Variants in NPAT observed in about 807,000 individuals in gnomAD.
NPAT encodes the protein nuclear protein, coactivator of histone transcription, also known as protein NPAT.
A neutral mutation model predicts 130.7 loss-of-function variants in NPAT; 52 were observed. That is an observed-to-expected ratio of 0.40 (90% confidence interval 0.32 to 0.50). NPAT has a LOEUF of 0.50. NPAT is among the 20% of genes least tolerant of loss of function. The pLI, the probability that NPAT is intolerant of heterozygous loss-of-function variation, is 0.68. For missense variants in NPAT, 1,687 were observed against 1,662.6 expected (o/e 1.01, Z -0.26); for synonymous variants, 580 against 584.8 (o/e 0.99, Z 0.12).
Position 108,189,263 on chromosome 11 carries a change from G to A in NPAT, c.399C>T (p.Ala133=). The A allele has an allele frequency of 1.2e-6, 2 of 1,614,170 alleles. No homozygotes were observed. Among genetic ancestry groups the A allele is most frequent in the Non-Finnish European group, 1.7e-6 (2 of 1,180,022 alleles). Residue 133 remains alanine, a synonymous_variant, in exon 6 of 18, where the codon GCC becomes GCT. Transcript: ENST00000278612. The part of the protein sequence containing the change: ...QRKLASQTAP[A]SAELLTLPYL... The stretch of plus-strand genomic sequence containing the variant: ...AAGGTAAAGTGAGCAACTCTGCACT[G>A]GCTGGAGCTGTTTGAGATGCAAGCT...
intron 1 of NPAT, among the ~76,000 whole-genome samples, chr11:108,213,990 T>A (rs2078408888): frequency 6.6e-6 from 1 of 152,132 alleles, no homozygotes. Context: ...TGGGCTGAAG[T>A]GATCCTCCCA....
chr11:108,198,864 CCA>C (rs1287046335), intron 1 of NPAT, among the ~76,000 whole-genome samples: 5 of 152,200 alleles, frequency 3.3e-5, no homozygotes, highest in Admixed American at 3.3e-4. Context: ...TGCTCACTCC[CCA>C]GTGTCCACAT....
chr11:108,194,652 TTTA>T (rs1354073227), intron 2 of NPAT, among the ~76,000 whole-genome samples: 1 of 152,162 alleles, frequency 6.6e-6, no homozygotes, highest in Non-Finnish European at 1.5e-5. Context: ...GTTTTTAAAA[TTTA>T]TTTTTATTTT....
At chr11:108,195,233 A>G (rs374629304) in intron 2 of NPAT, among the ~76,000 whole-genome samples, 16 of 152,364 alleles carry the variant, frequency 1.1e-4, no homozygotes, top group African/African-American at 3.6e-4. Flanking sequence ...TGAGGAGTAC[A>G]TGCATAATCA....
At chr11:108,198,325 A>G (rs1171112722) in intron 1 of NPAT, among the ~76,000 whole-genome samples, 1 of 152,256 alleles carries the variant, frequency 6.6e-6, no homozygotes, top group Non-Finnish European at 1.5e-5. Context: ...TACAGAGTCA[A>G]AAAACCAAAA....
In NPAT at chr11:108,172,621, T is replaced by A; in HGVS notation, c.2363A>T (p.Lys788Ile). 6.2e-7 allele frequency: 1 copy of A among 1,614,172 alleles called. No individual in the cohort carries two copies. ...KSPTKNAELV[K>I]CLSSEETVGA... ...TACAGTTTCTTCTGAAGATAGGCAT[T>A]TAACTAGTTCTGCATTTTTAGTAGG... Residue 788 changes from lysine to isoleucine, a missense_variant, in exon 13 of 18, where the codon AAA becomes ATA. This residue lies in a region of NPAT where 1,379 missense variants were observed against 1,346.6 expected (regional missense o/e 1.02). Transcript: ENST00000278612.
rs547631748 is a variant in NPAT, at chr11:108,213,843, T to C, written c.37+8657A>G. Among the ~76,000 whole-genome samples the C allele has an allele frequency of 2.6e-5, 4 of 152,308 alleles. No homozygotes were observed. The East Asian group carries it at 7.7e-4, about 29-fold the overall frequency. ...CAAAATAAAAAATCCAGACCTTTCT[T>C]ATTTATCTAGTCAACTCTGAAGCAT... On this transcript the variant is annotated intron_variant, in intron 1 of 17. Transcript: ENST00000278612.
intron 1 of NPAT, among the ~76,000 whole-genome samples, chr11:108,203,215 T>C (rs2078291110): frequency 6.6e-6 from 1 of 152,200 alleles, no homozygotes; most frequent in Non-Finnish European, 1.5e-5. Context: ...AATGATTTCT[T>C]GCTAGACCAA....
intron 1 of NPAT, among the ~76,000 whole-genome samples, chr11:108,202,754 A>G (rs985401347): frequency 1.3e-5 from 2 of 152,184 alleles, no homozygotes; most frequent in Admixed American, 6.5e-5. Context: ...GAAGACTGGC[A>G]GATAGATTTC....
chr11:108,169,932 C>T lies in NPAT; in HGVS notation c.2897G>A (p.Arg966Gln), dbSNP rs201165741. 6.9e-5 allele frequency: 112 copies of T among 1,612,672 alleles called. No individual in the cohort carries two copies. The highest frequency in any genetic ancestry group is 4.7e-4 in the African/African-American group (35 of 74,940). Residue 966 changes from arginine to glutamine, a missense_variant, in exon 14 of 18, where the codon CGG (arginine) becomes CAG (glutamine). Transcript: ENST00000278612. ...QNGNNFSTPPRQVLHMPLTAP... is the reference protein window; with the variant it reads ...QNGNNFSTPPQQVLHMPLTAP... ...TTTTCAGTTCATAAATCTTACCTGC[C>T]GAGGAGGAGTAGAAAAGTTATTTCC...
intron 1 of NPAT, among the ~76,000 whole-genome samples, chr11:108,204,155 G>GC (rs1358574988): frequency 6.6e-6 from 1 of 152,182 alleles, no homozygotes; most frequent in Non-Finnish European, 1.5e-5. Flanking sequence ...ATTGATAGCA[G>GC]CAAGAGACAA....
chr11:108,193,760 AAAAAC>A (rs910455340), intron 3 of NPAT, among the ~76,000 whole-genome samples, 192 bp downstream of exon 3: 9 of 152,012 alleles, frequency 5.9e-5, no homozygotes, highest in Non-Finnish European at 1.0e-4. Flanking sequence ...CAACAACCAA[AAAAAC>A]AAAACAAAAC....
At chr11:108,209,218 T>C (rs1244386077) in intron 1 of NPAT, among the ~76,000 whole-genome samples, 1 of 152,146 alleles carries the variant, frequency 6.6e-6, no homozygotes, top group Non-Finnish European at 1.5e-5. Flanking sequence ...AGGCGGAGGC[T>C]GCAGTGAGCC....
At chr11:108,182,917 T>C (rs1179273181) in intron 10 of NPAT, among the ~76,000 whole-genome samples, 2 of 152,228 alleles carry the variant, frequency 1.3e-5, no homozygotes, top group Non-Finnish European at 2.9e-5. Flanking sequence ...AAGCACCTGA[T>C]GTATTTATAA....
intron 4 of NPAT, among the ~76,000 whole-genome samples, chr11:108,191,505 A>C (rs2078168957): frequency 6.6e-6 from 1 of 152,234 alleles, no homozygotes; most frequent in Admixed American, 6.5e-5. Context: ...ACTACCAAGT[A>C]AGATGTGGTC....
At chr11:108,179,460 G>A (rs2078038455) in intron 10 of NPAT, among the ~76,000 whole-genome samples, 2 of 152,180 alleles carry the variant, frequency 1.3e-5, no homozygotes, top group African/African-American at 2.4e-5. Flanking sequence ...GGCTAGTCTC[G>A]AACCCCTGAC....
intron 5 of NPAT, 78 bp downstream of exon 5, chr11:108,190,382 T>G (rs2078157577): frequency 9.4e-7 from 1 of 1,066,702 alleles, no homozygotes. Flanking sequence ...TTAGCACATG[T>G]GTACAATGAA....
At chr11:108,159,204 A>G (rs2077822858) in intron 17 of NPAT, among the ~76,000 whole-genome samples, 185 bp from the exon 18 acceptor site, 1 of 152,208 alleles carries the variant, frequency 6.6e-6, no homozygotes, top group Non-Finnish European at 1.5e-5. Context: ...AGTTACTTAA[A>G]TATACTTCAA....
At chr11:108,177,128 T>G (rs372849629) in intron 10 of NPAT, 38 bp from the exon 11 acceptor site, 9 of 1,038,444 alleles carry the variant, frequency 8.7e-6, no homozygotes, top group South Asian at 1.3e-5. Flanking sequence ...TGATTCTAAC[T>G]GAATTTATAT....
Sources: gnomAD v4.1 joint callset for allele counts (sites outside exome capture counted in the v4.1 genomes callset) on GRCh38, gnomAD v4.1.1 for gene constraint, gnomAD v4.1.1 regional missense constraint, MANE v1.5 for transcripts, NCBI Gene and HGNC (gene_info 2026-07-23, HGNC 2026-07-21) for gene names.